The following EOMES variants were observed in gnomAD, a reference collection of about 807,000 sequenced individuals.
The protein encoded by EOMES is eomesodermin.
EOMES carries 18 observed loss-of-function variants against 61.0 expected under a neutral mutation model. That is an observed-to-expected ratio of 0.30 (90% CI 0.20 to 0.44). EOMES has a LOEUF of 0.44. Among genes scored for constraint, EOMES ranks in the 20% least tolerant of loss-of-function variants. The pLI is 1.00. For synonymous variants in EOMES, 430 were observed against 394.0 expected (o/e 1.09, Z -1.08); for missense variants, 885 against 939.2 (o/e 0.94, Z 0.75).
intron 2 of EOMES, 62 bp from the exon 3 acceptor site, chr3:27,719,543 A>G: frequency 2.0e-6 from 3 of 1,473,646 alleles, no homozygotes; most frequent in Non-Finnish European, 1.9e-6. Flanking sequence ...AAATGGAGAA[A>G]GCGGAGGGAT....
At position 27,721,875 on chromosome 3, in the gene EOMES, G is replaced by A; in HGVS notation, c.420C>T (p.Ser140=). The change falls in exon 1 of 6, where the codon AGC becomes AGT. Residue 140 remains serine, a synonymous_variant. Coordinates refer to ENST00000449599, the MANE Select transcript of EOMES (RefSeq NM_001278182.2). The surrounding 1 kb of genome is among the most constrained non-coding windows in gnomAD (Gnocchi z 7.4). ...GGGACTGGAGGTAGTACCGCTCGGA[G>A]CTCAGGCTGTCCATGGAGTAGCGCG... ...ATARYSMDSL[S]SERYYLQSPG... is the part of the protein sequence containing the mutation. 2 of 1,495,332 alleles carry A rather than the reference G, an allele frequency of 1.3e-6. No homozygotes were observed. The highest frequency in any genetic ancestry group is 8.9e-7 in the Non-Finnish European group (1 of 1,127,682). 92.6% of individuals were successfully genotyped at this position (1,495,332 alleles called of 1,614,324 possible). A position where few individuals can be genotyped will look rare whatever the true frequency, so the allele number is the denominator to read the frequency against.
At position 27,721,580 on chromosome 3, in the gene EOMES, G is replaced by C; in HGVS notation, c.715C>G (p.Leu239Val). 6.3e-7 allele frequency: 1 copy of C among 1,585,188 alleles called. No individual in the cohort carries two copies. The highest frequency in any genetic ancestry group is 8.6e-7 in the Non-Finnish European group (1 of 1,167,296). The change falls in exon 1 of 6, where the codon CTC (leucine) becomes GTC (valine). Residue 239 changes from leucine (L) to valine (V), a missense_variant. Coordinates refer to ENST00000449599, the MANE Select transcript of EOMES (RefSeq NM_001278182.2). This position sits in a 1 kb window ranked among gnomAD's most constrained non-coding sequence, Gnocchi z 7.4. ...GCGGCTCCAGGGTACGGCCCGTAGA[G>C]CGGAGCCCCCTGGCTGTACTGATAG... is the stretch of plus-strand genomic sequence containing the variant. ...GTYQYSQGAP[L>V]YGPYPGAAAA...
chr3:27,720,424 G>A (rs2060602578), intron 1 of EOMES, 99 bp from the exon 2 acceptor site: 1 of 940,986 alleles, frequency 1.1e-6, no homozygotes, highest in Non-Finnish European at 1.7e-6. Context: ...GGATAGGGTC[G>A]GAACACATTT....
Position 27,718,855 on chromosome 3 carries a change from T to C in EOMES, c.1197A>G (p.Arg399=). 6.2e-7 allele frequency: 1 copy of C among 1,614,042 alleles called. No individual in the cohort carries two copies. The highest frequency in any genetic ancestry group is 8.5e-7 in the Non-Finnish European group (1 of 1,179,920). The change falls in exon 4 of 6, where the codon CGA becomes CGG. Residue 399 remains arginine (R), a synonymous_variant. Coordinates refer to ENST00000449599, the MANE Select transcript of EOMES (RefSeq NM_001278182.2). ...VLQSLHKYQP[R]LHIVEVTEDG... The stretch of plus-strand genomic sequence containing the variant: ...CCTCTGTAACTTCAACAATATGCAG[T>C]CGGGGTTGGTATTTGTGTAAGGATT...
upstream of EOMES, chr3:27,722,531 T>G (rs2060625157): frequency 7.5e-7 from 1 of 1,336,806 alleles, no homozygotes; most frequent in East Asian, 3.1e-5. Flanking sequence ...AGGTGGAAAC[T>G]AACCCAGAAG....
At position 27,721,388 on chromosome 3, in the gene EOMES, C is replaced by T; in HGVS notation, c.881+26G>A. On this transcript the variant is annotated intron_variant, in intron 1 of 5. Transcript: ENST00000449599. The surrounding 1 kb of genome is among the most constrained non-coding windows in gnomAD (Gnocchi z 7.4). Reference sequence around the variant, plus strand: ...ACACGTCACCCTTTATCCCCGAACCCAGGGGCCCCTCCACGCTGCGCTCAC... The same window carrying T: ...ACACGTCACCCTTTATCCCCGAACCTAGGGGCCCCTCCACGCTGCGCTCAC... 1 of 1,587,180 alleles carries T rather than the reference C, an allele frequency of 6.3e-7. No homozygotes were observed. Among genetic ancestry groups the T allele is most frequent in the African/African-American group, 1.3e-5 (1 of 74,560 alleles).
At position 27,717,342 on chromosome 3, in the gene EOMES, G is replaced by A; in HGVS notation, c.1846C>T (p.Pro616Ser). 6.2e-7 allele frequency: 1 copy of A among 1,614,106 alleles called. No individual in the cohort carries two copies. The highest frequency in any genetic ancestry group is 8.5e-7 in the Non-Finnish European group (1 of 1,180,012). Reference sequence around the variant, plus strand: ...AGCTGATCTTCAGAGAACACAGTGGGGCTTGTTCTGGAGGTCCATGGTAGT... The same window carrying A: ...AGCTGATCTTCAGAGAACACAGTGGAGCTTGTTCTGGAGGTCCATGGTAGT... ...AGLPWTSRTSPTVFSEDQLSK... is the reference protein window; with the variant it reads ...AGLPWTSRTSSTVFSEDQLSK... Residue 616 changes from proline to serine, a missense_variant, in exon 6 of 6, where the codon CCC (proline) becomes TCC (serine). Physicochemically the swap from Pro to Ser is moderately conservative, Grantham distance 74. Transcript: ENST00000449599. This position sits in a 1 kb window ranked among gnomAD's most constrained non-coding sequence, Gnocchi z 4.5.
rs756102550 is a variant in EOMES at position 27,721,766 on chromosome 3, A to G, written c.529T>C (p.Tyr177His). The change falls in exon 1 of 6, where the codon TAC becomes CAC. Residue 177 changes from tyrosine (Y) to histidine (H), a missense_variant. Tyr to His is a moderately conservative substitution (Grantham distance 83). Around this residue, in one of 3 missense-constraint regions of EOMES, gnomAD observed 449 missense variants for 383.6 expected, o/e 1.17. Transcript: ENST00000449599. The surrounding 1 kb of genome is among the most constrained non-coding windows in gnomAD (Gnocchi z 7.4). Reference protein sequence around the residue: ...AAAGAPHGPVYPAPNGARYPY... With the variant: ...AAAGAPHGPVHPAPNGARYPY... ...TAGCGCGCCCCGTTAGGAGCCGGGT[A>G]CACAGGTCCGTGGGGCGCCCCAGCC... 7 of 1,497,432 alleles carry G rather than the reference A, an allele frequency of 4.7e-6. No homozygotes were observed. Among genetic ancestry groups the G allele is most frequent in the Non-Finnish European group, 6.2e-6 (7 of 1,135,456 alleles). 92.8% of individuals were successfully genotyped at this position (1,497,432 alleles called of 1,614,324 possible).
In EOMES at chr3:27,722,244, C is replaced by A. The variant is rs987352503; in HGVS notation, c.51G>T (p.Ala17=). Residue 17 remains alanine, a synonymous_variant, in exon 1 of 6, where the codon GCG becomes GCT. Transcript: ENST00000449599. ...LLVSSVNLPG[A]HFYPLESARG... ...GCGCACTCTCCAGCGGGTAGAAGTG[C>A]GCGCCAGGCAGGTTCACTGAGCTCA... 5 of 1,604,760 alleles carry A rather than the reference C, an allele frequency of 3.1e-6. No homozygotes were observed. Among genetic ancestry groups the A allele is most frequent in the African/African-American group, 1.3e-5 (1 of 74,410 alleles).
chr3:27,721,408 G>T lies in EOMES; in HGVS notation c.881+6C>A. The T allele has an allele frequency of 6.2e-7, 1 of 1,607,662 alleles. No individual in the cohort carries two copies. Among genetic ancestry groups the T allele is most frequent in the Admixed American group, 1.7e-5 (1 of 59,254 alleles). ...GAACCCAGGGGCCCCTCCACGCTGC[G>T]CTCACCTGCCCTGTTTCGTAATGAT... is the stretch of plus-strand genomic sequence containing the variant. On this transcript the variant is annotated splice_donor_region_variant and intron_variant, in intron 1 of 5. Coordinates refer to ENST00000449599, the MANE Select transcript of EOMES (RefSeq NM_001278182.2). The surrounding 1 kb of genome is among the most constrained non-coding windows in gnomAD (Gnocchi z 7.4).
chr3:27,721,637 C>A lies in EOMES; in HGVS notation c.658G>T (p.Gly220Cys), dbSNP rs1559928380. Residue 220 changes from glycine (G) to cysteine (C), a missense_variant, in exon 1 of 6, where the codon GGT becomes TGT. Around this residue, in one of 3 missense-constraint regions of EOMES, gnomAD observed 449 missense variants for 383.6 expected, o/e 1.17. Transcript: ENST00000449599. This position sits in a 1 kb window ranked among gnomAD's most constrained non-coding sequence, Gnocchi z 7.4. ...GGGCCGCCGCCCCCGCCGCTGCTAC[C>A]GCCCGCGCCACTGCCCGCACCGGCT... ...PGAGAGSGAG[G>C]SSGGGGGPGT... The A allele has an allele frequency of 8.4e-6, 13 of 1,541,886 alleles. No individual in the cohort carries two copies. The South Asian group carries it at 1.2e-4, about 14-fold the overall frequency.
upstream of EOMES, chr3:27,722,441 C>A (rs754354076): frequency 4.4e-6 from 6 of 1,369,590 alleles, no homozygotes; most frequent in South Asian, 3.5e-5. Context: ...TGCCGACTCG[C>A]GGGCCGCTAC....
At chr3:27,722,503 C>T (rs914796479), upstream of EOMES, 16 of 1,348,762 alleles carry the variant, frequency 1.2e-5, no homozygotes, top group African/African-American at 1.5e-4. Context: ...AGGAAAGCGC[C>T]GTGAGTTGGA....
upstream of EOMES, chr3:27,722,591 T>C: frequency 8.4e-7 from 1 of 1,196,208 alleles, no homozygotes. Flanking sequence ...ACCCCCACCC[T>C]CCTCCCAGGC....
chr3:27,721,984 C>G lies in EOMES; in HGVS notation c.311G>C (p.Arg104Pro). ...AVAKPGPPDG[R>P]KGSPCGEEEL... ...CTCCTCCCCGCAGGGGGAGCCCTTG[C>G]GGCCGTCCGGGGGCCCCGGCTTGGC... Residue 104 changes from arginine (R) to proline (P), a missense_variant, in exon 1 of 6, where the codon CGC becomes CCC. Arg to Pro is a moderately radical substitution (Grantham distance 103). Transcript: ENST00000449599. This position sits in a 1 kb window ranked among gnomAD's most constrained non-coding sequence, Gnocchi z 7.4. The G allele has an allele frequency of 6.8e-7, 1 of 1,463,242 alleles. No individual in the cohort carries two copies. The highest frequency in any genetic ancestry group is 9.0e-7 in the Non-Finnish European group (1 of 1,115,310). The allele number at this position is 1,463,242 out of a possible 1,614,324, so 90.6% of individuals were successfully genotyped here.
In EOMES at chr3:27,721,538, C is replaced by T. The variant is rs1444550350; in HGVS notation, c.757G>A (p.Gly253Arg). ...GGAACCCCCAGGCCCCCCAGTCCTC[C>T]GCAAGATCCCGCCGCTGCGGCTCCA... is the stretch of plus-strand genomic sequence containing the variant. Reference protein sequence around the residue: ...YPGAAAAGSCGGLGGLGVPGS... With the variant: ...YPGAAAAGSCRGLGGLGVPGS... Residue 253 changes from glycine (G) to arginine (R), a missense_variant, in exon 1 of 6, where the codon GGA becomes AGA. Physicochemically the swap from Gly to Arg is moderately radical, Grantham distance 125 (BLOSUM62 -2). This residue lies in a region of EOMES where 449 missense variants were observed against 383.6 expected (regional missense o/e 1.17). Coordinates refer to ENST00000449599, the MANE Select transcript of EOMES (RefSeq NM_001278182.2). The surrounding 1 kb of genome is among the most constrained non-coding windows in gnomAD (Gnocchi z 7.4). 13 of 1,608,022 alleles carry T rather than the reference C, an allele frequency of 8.1e-6. No homozygotes were observed. The highest frequency in any genetic ancestry group is 2.2e-5 in the East Asian group (1 of 44,652).
chr3:27,720,146 C>T (rs190413466), intron 2 of EOMES, 25 bp downstream of exon 2: 24 of 1,532,848 alleles, frequency 1.6e-5, no homozygotes, highest in Non-Finnish European at 1.7e-5. Flanking sequence ...CGTTCCTCCC[C>T]GGCCCGAGCC....
chr3:27,718,459 GA>G (rs2060585932), intron 5 of EOMES, 127 bp downstream of exon 5: 1 of 610,362 alleles, frequency 1.6e-6, no homozygotes, highest in Non-Finnish European at 2.6e-6. Flanking sequence ...AAAAATTTTG[GA>G]AAAAGAAAAA....
chr3:27,722,108 C>T lies in EOMES; in HGVS notation c.187G>A (p.Ala63Thr), dbSNP rs538218063. Residue 63 changes from alanine to threonine, a missense_variant, in exon 1 of 6, where the codon GCG (alanine) becomes ACG (threonine). Physicochemically the swap from Ala to Thr is moderately conservative, Grantham distance 58. Coordinates refer to ENST00000449599, the MANE Select transcript of EOMES (RefSeq NM_001278182.2). Reference protein sequence around the residue: ...KKFSGSLSCEAVSGEPAAASA... With the variant: ...KKFSGSLSCETVSGEPAAASA... ...GCGGCTGCGGGCTCCCCGCTCACCG[C>T]CTCGCAGGAGAGACTGCCGGAAAAC... 7.7e-6 allele frequency: 12 copies of T among 1,549,584 alleles called. No individual in the cohort carries two copies. The East Asian group carries it at 2.9e-4, about 38-fold the overall frequency.
Sources: allele counts gnomAD v4.1 joint callset, GRCh38; gene constraint gnomAD v4.1.1; regional missense constraint gnomAD v4.1.1; non-coding constraint Gnocchi (gnomAD v3.1); transcripts MANE v1.5; gene names NCBI Gene and HGNC (gene_info 2026-07-23, HGNC 2026-07-21).